Variants in TNKS observed in about 807,000 individuals in gnomAD.
The protein encoded by TNKS is poly [ADP-ribose] polymerase tankyrase-1.
Under a neutral mutation model 135.8 loss-of-function variants are expected in TNKS, and 72 were observed. That is an observed-to-expected ratio of 0.53 (90% CI 0.44 to 0.64). The LOEUF (loss-of-function observed/expected upper bound fraction) is 0.64, where lower values mean the gene tolerates loss of function less well. TNKS is among the 30% of genes least tolerant of loss of function. TNKS has a pLI of 0.00. For synonymous variants in TNKS, 849 were observed against 649.3 expected, an observed-to-expected ratio of 1.31 and a Z score of -4.68; for missense variants, 1,769 against 1,674.0, an observed-to-expected ratio of 1.06 and a Z score of -0.99.
At chr8:9,679,613 C>G (rs1259131986) in intron 3 of TNKS, 1 of 233,760 alleles carries the variant, frequency 4.3e-6, no homozygotes, top group African/African-American at 2.2e-5. Flanking sequence ...CTGTGACAGC[C>G]TGAATAGAGA....
chr8:9,706,279 A>C (rs749662642), intron 7 of TNKS, 26 bp downstream of exon 7: 8 of 1,463,474 alleles, frequency 5.5e-6, no homozygotes, highest in Non-Finnish European at 6.3e-6. Flanking sequence ...AATATTGAGC[A>C]TCATTTACTT....
chr8:9,671,047 A>G (rs991422713), intron 3 of TNKS: 1 of 152,176 alleles, frequency 6.6e-6, no homozygotes, highest in African/African-American at 2.4e-5. Flanking sequence ...TTGCCCCTAT[A>G]TGAGGCAAGG....
chr8:9,663,427 T>C (rs1801828015), intron 3 of TNKS, among the ~76,000 whole-genome samples: 1 of 152,246 alleles, frequency 6.6e-6, no homozygotes, highest in African/African-American at 2.4e-5. Context: ...TTTTTTGTTT[T>C]ACTGCTTATT....
At chr8:9,734,315 G>A (rs989890304) in intron 15 of TNKS, among the ~76,000 whole-genome samples, 1 of 151,682 alleles carries the variant, frequency 6.6e-6, no homozygotes, top group African/African-American at 2.4e-5. Flanking sequence ...AATAGCTATT[G>A]GTAATTAAAC....
intron 1 of TNKS, chr8:9,557,387 C>A (rs1200580249): frequency 6.8e-6 from 1 of 146,968 alleles, no homozygotes; most frequent in Non-Finnish European, 1.5e-5. Flanking sequence ...AGCTCTGGAC[C>A]CCACACTTGT....
intron 3 of TNKS, among the ~76,000 whole-genome samples, chr8:9,651,275 TAGC>T (rs1265341636): frequency 6.6e-6 from 1 of 152,156 alleles, no homozygotes; most frequent in African/African-American, 2.4e-5. Context: ...TATATAAAAA[TAGC>T]AGCTAAAGTT....
At chr8:9,754,333 G>C (rs1208482597) in intron 20 of TNKS, among the ~76,000 whole-genome samples, 1 of 152,036 alleles carries the variant, frequency 6.6e-6, no homozygotes, top group Non-Finnish European at 1.5e-5. Flanking sequence ...CCCTATTTTA[G>C]AATAAATCTG....
intron 3 of TNKS, among the ~76,000 whole-genome samples, chr8:9,636,715 A>G (rs1563133582): frequency 6.6e-6 from 1 of 152,166 alleles, no homozygotes; most frequent in Non-Finnish European, 1.5e-5. Context: ...TAAGATGACA[A>G]TAGATTCAGT....
intron 2 of TNKS, among the ~76,000 whole-genome samples, chr8:9,585,272 C>G (rs994483725): frequency 1.9e-4 from 29 of 151,348 alleles, no homozygotes; most frequent in African/African-American, 7.0e-4. Flanking sequence ...ACATGGAAAT[C>G]ATGACGAAAA....
rs183868393 is a variant in TNKS, at chr8:9,613,789, C to A, written c.899-1793C>A. ...TGGGCAACATATAGTAGTTAAAATACGGGTTAAAACAAGAAGGATTGAGGT... is the reference window on the plus strand; with the variant it reads ...TGGGCAACATATAGTAGTTAAAATAAGGGTTAAAACAAGAAGGATTGAGGT... On this transcript the variant is annotated intron_variant, in intron 2 of 26. Coordinates refer to ENST00000310430, the MANE Select transcript of TNKS (RefSeq NM_003747.3). Among the ~76,000 whole-genome samples, 8 of 152,150 alleles carry A rather than the reference C, an allele frequency of 5.3e-5. No homozygotes were observed. In the East Asian group the frequency reaches 1.5e-3, roughly 29 times the overall value.
At chr8:9,771,093 CAT>C (rs1807804413) in intron 26 of TNKS, among the ~76,000 whole-genome samples, 2 of 150,598 alleles carry the variant, frequency 1.3e-5, no homozygotes, top group Admixed American at 6.6e-5. Context: ...GTAATATAAG[CAT>C]GTGTGTGTAT....
chr8:9,752,627 G>GTAAA lies in TNKS; in HGVS notation c.3153+4_3153+7dup, dbSNP rs1423250496. On this transcript the variant is annotated splice_donor_variant, in intron 20 of 26. Coordinates refer to ENST00000310430, the MANE Select transcript of TNKS (RefSeq NM_003747.3). LOFTEE classifies it high-confidence loss of function. ...TCGGGATATCTTTGAAACAGAACAG[G>GTAAA]TAAATACTCTTGTATATATTTGAGT... 2 of 1,595,612 alleles carry GTAAA rather than the reference G, an allele frequency of 1.3e-6. No individual in the cohort carries two copies. Among genetic ancestry groups the GTAAA allele is most frequent in the Non-Finnish European group, 1.7e-6 (2 of 1,164,758 alleles).
intron 2 of TNKS, among the ~76,000 whole-genome samples, chr8:9,596,357 A>T (rs1474771903): frequency 1.3e-5 from 2 of 148,442 alleles, no homozygotes; most frequent in African/African-American, 4.9e-5. Flanking sequence ...TGAGATAAAG[A>T]TGTAGGGAGT....
intron 2 of TNKS, among the ~76,000 whole-genome samples, chr8:9,588,720 T>C (rs1798482450): frequency 6.6e-6 from 1 of 152,222 alleles, no homozygotes. Context: ...GGGCAGATTA[T>C]AAGGTCTGTG....
chr8:9,562,633 C>G (rs1797380561), intron 1 of TNKS, among the ~76,000 whole-genome samples: 1 of 152,112 alleles, frequency 6.6e-6, no homozygotes, highest in South Asian at 2.1e-4. Context: ...GTCTTTTAAT[C>G]TACCTCATTA....
At chr8:9,584,189 T>C (rs1798281696) in intron 2 of TNKS, among the ~76,000 whole-genome samples, 1 of 141,250 alleles carries the variant, frequency 7.1e-6, no homozygotes, top group Non-Finnish European at 1.6e-5. Flanking sequence ...AAAAAAAAAA[T>C]CTGGGAGTCA....
At chr8:9,759,215 A>G (rs1479979348) in intron 20 of TNKS, among the ~76,000 whole-genome samples, 1 of 152,206 alleles carries the variant, frequency 6.6e-6, no homozygotes. Context: ...GGAATCATTG[A>G]GTCTGTCTGC....
rs530483626 is a variant in TNKS at position 9,602,387 on chromosome 8, C to T, written c.899-13195C>T. ...TGTGGAATACCCTGTTTTGGAAGAG[C>T]CAGTAGAAGAGAGAGAGGCAGAAAG... On this transcript the variant is annotated intron_variant, in intron 2 of 26. Transcript: ENST00000310430. Among the ~76,000 whole-genome samples, 11 of 152,226 alleles carry T rather than the reference C, an allele frequency of 7.2e-5. No individual in the cohort carries two copies. The South Asian group carries it at 2.1e-3, about 29-fold the overall frequency.
At chr8:9,634,662 G>C (rs1021868132) in intron 3 of TNKS, among the ~76,000 whole-genome samples, 1 of 152,152 alleles carries the variant, frequency 6.6e-6, no homozygotes, top group African/African-American at 2.4e-5. Context: ...TGAAGTTGTA[G>C]GCATCAGAAT....
Sources: gnomAD v4.1 joint callset for allele counts (sites outside exome capture counted in the v4.1 genomes callset) on GRCh38, gnomAD v4.1.1 for gene constraint, MANE v1.5 for transcripts, NCBI Gene and HGNC (gene_info 2026-07-23, HGNC 2026-07-21) for gene names.